The following ABCC2 variants were observed in gnomAD, a reference collection of about 807,000 sequenced individuals.
The protein encoded by ABCC2 is ATP-binding cassette sub-family C member 2.
In ABCC2, 157 loss-of-function variants were observed where a neutral mutation model predicts 173.4. The observed-to-expected ratio is 0.91, with a 90% confidence interval of 0.80 to 1.03. The LOEUF is 1.03. Among genes scored for constraint, ABCC2 ranks in the 50% least tolerant of loss-of-function variants. ABCC2 has a pLI of 0.00. For missense variants in ABCC2, 1,822 were observed against 1,852.3 expected (o/e 0.98, Z 0.30); for synonymous variants, 657 against 693.5 (o/e 0.95, Z 0.83).
intron 24 of ABCC2, among the ~76,000 whole-genome samples, 173 bp from the exon 25 acceptor site, chr10:99,835,918 C>G (rs1201381806): frequency 6.6e-6 from 1 of 152,188 alleles, no homozygotes; most frequent in African/African-American, 2.4e-5. Context: ...TTGGTCTCCT[C>G]CTCGGAGCCT....
chr10:99,832,227 GT>G, intron 23 of ABCC2, 96 bp downstream of exon 23: 4 of 1,488,762 alleles, frequency 2.7e-6, no homozygotes, highest in Non-Finnish European at 3.7e-6. Flanking sequence ...ACACTGTTCA[GT>G]TCCAGTTCTT....
intron 19 of ABCC2, among the ~76,000 whole-genome samples, chr10:99,829,917 C>T (rs543350296): frequency 2.1e-4 from 32 of 152,230 alleles, no homozygotes; most frequent in South Asian, 2.1e-3. Flanking sequence ...TGAGCCACCA[C>T]GCCTGGCCAA....
At chr10:99,840,668 C>T (rs1341548121) in intron 25 of ABCC2, among the ~76,000 whole-genome samples, 1 of 151,270 alleles carries the variant, frequency 6.6e-6, no homozygotes, top group African/African-American at 2.4e-5. Flanking sequence ...TGCACCACCA[C>T]GCCCAGCTAT....
chr10:99,833,446 G>T (rs974050060), intron 23 of ABCC2, among the ~76,000 whole-genome samples: 1 of 152,170 alleles, frequency 6.6e-6, no homozygotes, highest in African/African-American at 2.4e-5. Context: ...AGTATGTTTC[G>T]TTGGGGAGGT....
At position 99,794,019 on chromosome 10, in the gene ABCC2, C is replaced by T. The variant is rs749764793; in HGVS notation, c.576+20C>T. 5 of 1,549,334 alleles carry T rather than the reference C, an allele frequency of 3.2e-6. No individual in the cohort carries two copies. The Admixed American group carries it at 5.0e-5, about 16-fold the overall frequency. On this transcript the variant is annotated intron_variant, in intron 5 of 31. Coordinates refer to ENST00000647814, the MANE Select transcript of ABCC2 (RefSeq NM_000392.5). ...TCAAATGTGAGATTCTAAATATGCC[C>T]ATCTCATATATTACTTAATTGGATG...
At position 99,831,990 on chromosome 10, in the gene ABCC2, C is replaced by A. The variant is rs564150368; in HGVS notation, c.3117C>A (p.Phe1039Leu). Residue 1039 changes from phenylalanine (F) to leucine (L), a missense_variant, in exon 23 of 32, where the codon TTC becomes TTA. Phe to Leu is a conservative substitution (Grantham distance 22, BLOSUM62 0). Transcript: ENST00000647814. ...ALGLAQGIFVFIAHFWSAFGF... is the reference protein window; with the variant it reads ...ALGLAQGIFVLIAHFWSAFGF... ...TTCCATCTCTAGGTATATTTGTGTT[C>A]ATAGCACATTTCTGGAGTGCCTTTG... 2 of 1,614,072 alleles carry A rather than the reference C, an allele frequency of 1.2e-6. No homozygotes were observed. The highest frequency in any genetic ancestry group is 8.5e-7 in the Non-Finnish European group (1 of 1,180,036).
chr10:99,819,435 A>G (rs886854072), intron 19 of ABCC2, among the ~76,000 whole-genome samples, 166 bp downstream of exon 19: 10 of 152,226 alleles, frequency 6.6e-5, no homozygotes, highest in African/African-American at 9.6e-5. Flanking sequence ...GAGGAAACAT[A>G]GAAATTGAAA....
At chr10:99,841,454 T>C (rs907593511) in intron 25 of ABCC2, among the ~76,000 whole-genome samples, 7 of 151,566 alleles carry the variant, frequency 4.6e-5, no homozygotes, top group East Asian at 1.9e-4. Context: ...ACTTGGGAGG[T>C]TGAGGTAGGA....
At chr10:99,817,523 T>G (rs1221219593) in intron 17 of ABCC2, 39 bp downstream of exon 17, 1 of 1,605,868 alleles carries the variant, frequency 6.2e-7, no homozygotes, top group Non-Finnish European at 8.5e-7. Context: ...GGTGAAGGCA[T>G]ATTGAAGAGA....
In ABCC2 at chr10:99,800,688, T is replaced by C. The variant is rs901192136; in HGVS notation, c.1209+125T>C. 1.2e-5 allele frequency: 12 copies of C among 1,006,570 alleles called. No individual in the cohort carries two copies. The African/African-American group carries it at 1.4e-4, about 12-fold the overall frequency. The allele number at this position is 1,006,570 out of a possible 1,614,324, so 62.4% of individuals were successfully genotyped here. A position where few individuals can be genotyped will look rare whatever the true frequency, so the allele number is the denominator to read the frequency against. On this transcript the variant is annotated intron_variant, in intron 9 of 31. Coordinates refer to ENST00000647814, the MANE Select transcript of ABCC2 (RefSeq NM_000392.5). ...CTCAACACTTAATGTTGACTGGCCA[T>C]ACAGCCTCCTTTAGATGTTTCTTTG...
At chr10:99,784,548 AG>A in intron 1 of ABCC2, 59 bp from the exon 2 acceptor site, 1 of 1,546,472 alleles carries the variant, frequency 6.5e-7, no homozygotes, top group Non-Finnish European at 8.9e-7. Context: ...GATGTGCTGC[AG>A]GGTGGTTTTC....
chr10:99,851,363 G>A (rs2039085846), intron 31 of ABCC2, 139 bp from the exon 32 acceptor site: 6 of 901,204 alleles, frequency 6.7e-6, no homozygotes, highest in Non-Finnish European at 9.1e-6. Flanking sequence ...ATGTTGATGT[G>A]TGTAGCTGTG....
At position 99,830,303 on chromosome 10, in the gene ABCC2, C is replaced by G. The variant is rs2038715182; in HGVS notation, c.2621-4C>G. On this transcript the variant is annotated splice_region_variant and splice_polypyrimidine_tract_variant and intron_variant, in intron 19 of 31. Coordinates refer to ENST00000647814, the MANE Select transcript of ABCC2 (RefSeq NM_000392.5). ...TTTCCCTAACCTCTACTGTGTCTCC[C>G]TAGTCCATGATGGCAGTGAAGAAGA... 6.2e-7 allele frequency: 1 copy of G among 1,614,000 alleles called. No individual in the cohort carries two copies. Among genetic ancestry groups the G allele is most frequent in the Non-Finnish European group, 8.5e-7 (1 of 1,180,006 alleles).
Position 99,797,209 on chromosome 10 carries a change from G to C in ABCC2, c.745G>C (p.Glu249Gln), listed in dbSNP as rs375549546. 4 of 1,614,190 alleles carry C rather than the reference G, an allele frequency of 2.5e-6. No individual in the cohort carries two copies. Among genetic ancestry groups the C allele is most frequent in the African/African-American group, 2.7e-5 (2 of 75,050 alleles). The change falls in exon 7 of 32, where the codon GAG becomes CAG. Residue 249 changes from glutamate to glutamine, a missense_variant. Transcript: ENST00000647814. ...VSKFETHMKRELQKARRALQR... is the reference protein window; with the variant it reads ...VSKFETHMKRQLQKARRALQR... The stretch of plus-strand genomic sequence containing the variant: ...CAAGTTTGAAACGCACATGAAGAGA[G>C]AGCTGCAGAAAGCCAGGCGGGCACT...
chr10:99,838,994 G>A (rs1336871127), intron 25 of ABCC2, among the ~76,000 whole-genome samples: 8 of 102,744 alleles, frequency 7.8e-5, no homozygotes, highest in Non-Finnish European at 1.2e-4. Flanking sequence ...CGGGGCGGCT[G>A]GCCGGGCAGA....
At chr10:99,850,006 C>T (rs2039066676) in intron 30 of ABCC2, among the ~76,000 whole-genome samples, 1 of 152,236 alleles carries the variant, frequency 6.6e-6, no homozygotes, top group South Asian at 2.1e-4. Flanking sequence ...CACACCAAGA[C>T]ATCACGTTCA....
chr10:99,839,058 C>A (rs1311476569), intron 25 of ABCC2, among the ~76,000 whole-genome samples: 59 of 137,526 alleles, frequency 4.3e-4, no homozygotes, highest in African/African-American at 1.4e-3. Context: ...CCTCACCTCC[C>A]GGACGGGGCG....
chr10:99,820,208 A>G (rs1219515973), intron 19 of ABCC2, among the ~76,000 whole-genome samples: 1 of 152,094 alleles, frequency 6.6e-6, no homozygotes, highest in East Asian at 1.9e-4. Flanking sequence ...CCTGACCAAC[A>G]TGGAGAAACC....
intron 16 of ABCC2, among the ~76,000 whole-genome samples, chr10:99,816,644 C>T (rs1051540142): frequency 3.3e-5 from 5 of 152,138 alleles, no homozygotes; most frequent in Admixed American, 2.6e-4. Context: ...TCCCCAACCC[C>T]GTGGGCCTCA....
Sources: allele counts gnomAD v4.1 joint callset (sites outside exome capture counted in the v4.1 genomes callset), GRCh38; gene constraint gnomAD v4.1.1; transcripts MANE v1.5; gene names NCBI Gene and HGNC (gene_info 2026-07-23, HGNC 2026-07-21).